CCDC15: variants seen among roughly 807,000 people sequenced by gnomAD.
CCDC15 encodes coiled-coil domain containing 15, also known as coiled-coil domain-containing protein 15.
In CCDC15, 105 loss-of-function variants were observed where a neutral mutation model predicts 114.5. That is an observed-to-expected ratio of 0.92 (90% CI 0.78 to 1.08). The LOEUF is 1.08. Ranked by LOEUF, CCDC15 falls within the 50% of genes least tolerant of loss-of-function variation. The pLI is 0.00. For synonymous variants in CCDC15, 334 were observed against 377.8 expected, an observed-to-expected ratio of 0.88 and a Z score of 1.34; for missense variants, 1,105 against 1,093.6, an observed-to-expected ratio of 1.01 and a Z score of -0.15.
At chr11:124,964,182 G>A (rs1947724742) in intron 4 of CCDC15, among the ~76,000 whole-genome samples, 1 of 152,156 alleles carries the variant, frequency 6.6e-6, no homozygotes, top group South Asian at 2.1e-4. Flanking sequence ...TGTGAAGAAA[G>A]TCAGTGGTAG....
chr11:125,039,548 A>G (rs1948801865), intron 15 of CCDC15: 1 of 152,726 alleles, frequency 6.5e-6, no homozygotes, highest in African/African-American at 2.4e-5. Context: ...AGTCCTTCAT[A>G]TTGTCATTAA....
At chr11:125,000,634 A>G (rs1352367540) in intron 11 of CCDC15, among the ~76,000 whole-genome samples, 2 of 152,242 alleles carry the variant, frequency 1.3e-5, no homozygotes, top group African/African-American at 4.8e-5. Context: ...AGATAAACAC[A>G]AATGAAAAAG....
intron 4 of CCDC15, among the ~76,000 whole-genome samples, chr11:124,962,700 C>T (rs4460817): frequency 0.2 from 30,758 of 151,146 alleles, 3,714 homozygotes; most frequent in African/African-American, 0.34. Context: ...GCACAACGTG[C>T]AGGTTTGTTA....
At chr11:124,955,647 G>A (rs1947535664) in intron 2 of CCDC15, among the ~76,000 whole-genome samples, 1 of 152,176 alleles carries the variant, frequency 6.6e-6, no homozygotes, top group South Asian at 2.1e-4. Flanking sequence ...GGCACAAAAT[G>A]TCTTCTGTAT....
At chr11:124,971,802 GGT>G (rs2135452298) in intron 4 of CCDC15, among the ~76,000 whole-genome samples, 1 of 151,874 alleles carries the variant, frequency 6.6e-6, no homozygotes, top group South Asian at 2.1e-4. Context: ...TTTGTCTTTT[GGT>G]GTTAATATTC....
chr11:124,960,004 G>C lies in CCDC15; in HGVS notation c.516+1G>C. On this transcript the variant is annotated splice_donor_variant, in intron 4 of 15. Transcript: ENST00000344762. LOFTEE classifies it high-confidence loss of function. ...ATTATTCCAACAACAAGCCCAGGCT[G>C]TAAGTACCTGTTCTTTTTATTTTAT... 1.9e-6 allele frequency: 3 copies of C among 1,548,352 alleles called. No homozygotes were observed. The highest frequency in any genetic ancestry group is 2.4e-5 in the East Asian group (1 of 42,192).
chr11:124,972,580 A>T (rs1233697066), intron 4 of CCDC15, among the ~76,000 whole-genome samples: 1 of 152,308 alleles, frequency 6.6e-6, no homozygotes, highest in Middle Eastern at 3.4e-3. Flanking sequence ...CTGCTGTAAC[A>T]CATTACCTCA....
intron 11 of CCDC15, among the ~76,000 whole-genome samples, chr11:124,996,865 C>T (rs1161884769): frequency 6.6e-6 from 1 of 152,204 alleles, no homozygotes; most frequent in African/African-American, 2.4e-5. Context: ...ATAGGAGTTA[C>T]TTCCTTTTTA....
At chr11:125,025,104 ATGAATATATG>A (rs1280699577) in intron 13 of CCDC15, among the ~76,000 whole-genome samples, 2 of 133,892 alleles carry the variant, frequency 1.5e-5, no homozygotes, top group African/African-American at 3.0e-5. Flanking sequence ...ATGAATATAT[ATGAATATATG>A]TGAGTATATA....
intron 4 of CCDC15, 133 bp downstream of exon 4, chr11:124,960,136 T>C (rs59239852): frequency 5.3e-3 from 288 of 54,106 alleles, no homozygotes; most frequent in African/African-American, 9.7e-3. Context: ...ATCATCCCCC[T>C]TTTTTTTTTT....
rs548864794 is a variant in CCDC15 at position 125,040,518 on chromosome 11, T to A, written c.2735-72T>A. On this transcript the variant is annotated intron_variant, in intron 15 of 15. Transcript: ENST00000344762. Reference sequence around the variant, plus strand: ...AAGACTCTTGGTAGAGAAGCAGTACTAATAAGATAGAGGCTGGTAGAGTTG... The same window carrying A: ...AAGACTCTTGGTAGAGAAGCAGTACAAATAAGATAGAGGCTGGTAGAGTTG... 2.1e-6 allele frequency: 3 copies of A among 1,429,050 alleles called. No individual in the cohort carries two copies. The East Asian group carries it at 7.3e-5, about 35-fold the overall frequency. The allele number at this position is 1,429,050 out of a possible 1,614,324, so 88.5% of individuals were successfully genotyped here. A position where few individuals can be genotyped will look rare whatever the true frequency, so the allele number is the denominator to read the frequency against.
chr11:125,001,527 C>A (rs1385191018), intron 11 of CCDC15, among the ~76,000 whole-genome samples: 3 of 152,140 alleles, frequency 2.0e-5, no homozygotes, highest in Non-Finnish European at 4.4e-5. Context: ...TTTCATCACC[C>A]CCCAAAAGTC....
chr11:125,035,910 GT>G (rs1176514223), intron 13 of CCDC15, among the ~76,000 whole-genome samples: 1 of 151,918 alleles, frequency 6.6e-6, no homozygotes, highest in Non-Finnish European at 1.5e-5. Context: ...ACTTTTTATT[GT>G]TTCTACTTAT....
chr11:125,040,948 A>T lies in CCDC15; in HGVS notation c.*237A>T. The T allele has an allele frequency of 2.2e-6, 1 of 446,986 alleles. No homozygotes were observed. The highest frequency in any genetic ancestry group is 3.8e-5 in the East Asian group (1 of 26,018). The allele number at this position is 446,986 out of a possible 1,614,324, so 27.7% of individuals were successfully genotyped here. On this transcript the variant is annotated 3_prime_UTR_variant, in exon 16 of 16. Coordinates refer to ENST00000344762, the MANE Select transcript of CCDC15 (RefSeq NM_025004.3). ...ACGGAGCCTATTATTTTAAAATATG[A>T]TCAGACAAGTAAGGCTTCTCTTACT...
intron 13 of CCDC15, among the ~76,000 whole-genome samples, chr11:125,007,317 G>A (rs768849256): frequency 3.3e-5 from 5 of 152,150 alleles, no homozygotes; most frequent in Non-Finnish European, 5.9e-5. Context: ...CCACATGTGA[G>A]TGAGAACATG....
In CCDC15 at chr11:124,957,675, C is replaced by T. The variant is rs1036392473; in HGVS notation, c.178-1440C>T. Among the ~76,000 whole-genome samples, 10 of 152,284 alleles carry T rather than the reference C, an allele frequency of 6.6e-5. No homozygotes were observed. The South Asian group carries it at 1.9e-3, about 28-fold the overall frequency. On this transcript the variant is annotated intron_variant, in intron 2 of 15. Coordinates refer to ENST00000344762, the MANE Select transcript of CCDC15 (RefSeq NM_025004.3). ...AGGCTTCATTACGTATATATCTCTCCGTTGGAATTATTTTACCTAATTGTT... is the reference window on the plus strand; with the variant it reads ...AGGCTTCATTACGTATATATCTCTCTGTTGGAATTATTTTACCTAATTGTT...
At chr11:124,991,645 A>G (rs1450004754) in intron 9 of CCDC15, 62 bp downstream of exon 9, 4 of 1,395,140 alleles carry the variant, frequency 2.9e-6, no homozygotes, top group Non-Finnish European at 3.9e-6. Flanking sequence ...AATCCCAACA[A>G]CTGGTAATTT....
chr11:124,955,002 G>A, intron 2 of CCDC15, 93 bp downstream of exon 2: 1 of 1,104,420 alleles, frequency 9.1e-7, no homozygotes, highest in Non-Finnish European at 1.3e-6. Flanking sequence ...TGAACAGTCC[G>A]AGGATGCTGT....
rs765281061 is a variant in CCDC15, at chr11:124,959,168, A to G, written c.231A>G (p.Gln77=). 1 of 1,591,950 alleles carries G rather than the reference A, an allele frequency of 6.3e-7. No individual in the cohort carries two copies. Among genetic ancestry groups the G allele is most frequent in the Non-Finnish European group, 8.5e-7 (1 of 1,170,578 alleles). Residue 77 remains glutamine (Q), a synonymous_variant, in exon 3 of 16, where the codon CAA becomes CAG. Coordinates refer to ENST00000344762, the MANE Select transcript of CCDC15 (RefSeq NM_025004.3). ...EELKEQLRKK[Q]EALKHFQKQV... Reference sequence around the variant, plus strand: ...TAAAGGAACAGCTAAGAAAAAAACAAGAAGCTTTGAAACATTTTCAGAAAC... The same window carrying G: ...TAAAGGAACAGCTAAGAAAAAAACAGGAAGCTTTGAAACATTTTCAGAAAC...
Sources: gnomAD v4.1 joint callset for allele counts (sites outside exome capture counted in the v4.1 genomes callset) on GRCh38, gnomAD v4.1.1 for gene constraint, MANE v1.5 for transcripts, NCBI Gene and HGNC (gene_info 2026-07-23, HGNC 2026-07-21) for gene names.